The following PSTPIP1 variants were observed in gnomAD, a reference collection of about 807,000 sequenced individuals.
PSTPIP1 encodes proline-serine-threonine phosphatase-interacting protein 1.
Under a neutral mutation model 69.6 loss-of-function variants are expected in PSTPIP1, and 66 were observed. The observed-to-expected ratio is 0.95, with a 90% CI of 0.78 to 1.16. PSTPIP1 has a LOEUF of 1.16. Ranked by LOEUF, PSTPIP1 falls within the 50% of genes most tolerant of loss-of-function variation. The pLI is 0.00. For missense variants in PSTPIP1, 603 were observed against 557.4 expected, an observed-to-expected ratio of 1.08 and a Z score of -0.82; for synonymous variants, 266 against 222.7, an observed-to-expected ratio of 1.19 and a Z score of -1.73.
rs756389413 is a variant in PSTPIP1, at chr15:77,035,497, CCT to C, written c.930-10_930-9del. The C allele has an allele frequency of 1.5e-5, 23 of 1,586,122 alleles. No homozygotes were observed. The highest frequency in any genetic ancestry group is 1.8e-5 in the Non-Finnish European group (21 of 1,166,526). ...GCGGGGACACTCACCCTCTTTCCTC[CCT>C]GTTCCCAGGTTCTCTGGACTGCTGC... On this transcript the variant is annotated splice_polypyrimidine_tract_variant and intron_variant, in intron 12 of 14. Transcript: ENST00000558012.
At chr15:77,034,976 C>T (rs1228790921) in intron 12 of PSTPIP1, among the ~76,000 whole-genome samples, 2 of 152,260 alleles carry the variant, frequency 1.3e-5, no homozygotes, top group Non-Finnish European at 2.9e-5. Context: ...GCCTGATCAC[C>T]GTGGGCCCAC....
chr15:77,004,865 A>G (rs2075784708), intron 1 of PSTPIP1, among the ~76,000 whole-genome samples: 1 of 151,762 alleles, frequency 6.6e-6, no homozygotes, highest in South Asian at 2.1e-4. Flanking sequence ...TCTCAAAACA[A>G]ACAAACAAAC....
chr15:77,028,683 C>T, intron 7 of PSTPIP1, 31 bp downstream of exon 7: 1 of 1,511,232 alleles, frequency 6.6e-7, no homozygotes, highest in Non-Finnish European at 8.9e-7. Context: ...GTGTGGGTCG[C>T]CCAGGGCTGG....
intron 13 of PSTPIP1, 101 bp downstream of exon 13, chr15:77,035,664 AGT>A (rs2152691825): frequency 1.4e-6 from 2 of 1,477,626 alleles, no homozygotes; most frequent in Non-Finnish European, 1.8e-6. Context: ...CTCAAGAGGA[AGT>A]GTGTGTCCCC....
chr15:76,995,018 C>A, upstream of PSTPIP1: 5 of 1,190,650 alleles, frequency 4.2e-6, no homozygotes, highest in Non-Finnish European at 5.3e-6. Flanking sequence ...AGGGGGCAAG[C>A]AGAGGCAGGA....
chr15:77,034,036 T>C (rs1021473660), intron 12 of PSTPIP1, among the ~76,000 whole-genome samples: 1 of 151,124 alleles, frequency 6.6e-6, no homozygotes, highest in African/African-American at 2.4e-5. Context: ...CCAGAGAGGA[T>C]TAGAGAGAGA....
intron 1 of PSTPIP1, among the ~76,000 whole-genome samples, chr15:77,011,889 C>A (rs757681032): frequency 7.9e-5 from 12 of 152,150 alleles, no homozygotes; most frequent in Non-Finnish European, 1.5e-4. Flanking sequence ...TTGCATTGTC[C>A]TGGAGTTGGC....
chr15:77,009,044 CT>C (rs2075879199), intron 1 of PSTPIP1, among the ~76,000 whole-genome samples: 1 of 152,178 alleles, frequency 6.6e-6, no homozygotes, highest in Admixed American at 6.5e-5. Flanking sequence ...CTCTCTGAGC[CT>C]TGGTTCCTTG....
intron 1 of PSTPIP1, among the ~76,000 whole-genome samples, chr15:77,003,434 A>T (rs370077811): frequency 1.6e-4 from 24 of 152,260 alleles, no homozygotes; most frequent in African/African-American, 5.3e-4. Context: ...CGGGTGGATC[A>T]TCTGAGGTCA....
At chr15:76,995,752 G>A in intron 1 of PSTPIP1, 143 bp downstream of exon 1, 1 of 1,458,212 alleles carries the variant, frequency 6.9e-7, no homozygotes, top group South Asian at 1.2e-5. Flanking sequence ...TTGTCATGGA[G>A]GTGGCCCAGG....
At chr15:77,012,104 G>T (rs1463712540) in intron 1 of PSTPIP1, among the ~76,000 whole-genome samples, 3 of 150,740 alleles carry the variant, frequency 2.0e-5, no homozygotes, top group African/African-American at 7.3e-5. Flanking sequence ...TGTTTACTGA[G>T]GGCTCTGGCC....
In PSTPIP1 at chr15:77,037,194, C is replaced by T. The variant is rs2076602380; in HGVS notation, c.*18C>T. 1 of 1,578,450 alleles carries T rather than the reference C, an allele frequency of 6.3e-7. No individual in the cohort carries two copies. Among genetic ancestry groups the T allele is most frequent in the African/African-American group, 1.3e-5 (1 of 74,076 alleles). On this transcript the variant is annotated 3_prime_UTR_variant, in exon 15 of 15. Coordinates refer to ENST00000558012, the MANE Select transcript of PSTPIP1 (RefSeq NM_003978.5). The stretch of plus-strand genomic sequence containing the variant: ...AGCTTTGAGGAAGGGCCAGGAGCCC[C>T]TTCGGACCTGCCCTGCCAGTGGAGC...
At chr15:77,032,775 T>C (rs909728327) in intron 11 of PSTPIP1, 87 bp from the exon 12 acceptor site, 4 of 1,183,560 alleles carry the variant, frequency 3.4e-6, no homozygotes, top group East Asian at 2.6e-5. Flanking sequence ...CAGGGCCAGA[T>C]TGGGAATGTA....
chr15:77,017,941 C>T (rs1180120508), intron 1 of PSTPIP1, among the ~76,000 whole-genome samples: 3 of 152,240 alleles, frequency 2.0e-5, no homozygotes, highest in Admixed American at 1.3e-4. Context: ...GTGGGGCTCA[C>T]TTATGTACCT....
intron 7 of PSTPIP1, 92 bp downstream of exon 7, chr15:77,028,744 TC>T: frequency 9.0e-7 from 1 of 1,111,588 alleles, no homozygotes; most frequent in Non-Finnish European, 1.2e-6. Flanking sequence ...CCAGGCAAGA[TC>T]TGCATCTGGG....
intron 1 of PSTPIP1, among the ~76,000 whole-genome samples, chr15:77,003,620 C>T (rs901884590): frequency 2.2e-4 from 33 of 151,586 alleles, no homozygotes; most frequent in Admixed American, 1.3e-4. Context: ...TTCACAATTG[C>T]ACTCCAGCCT....
chr15:77,035,394 C>A, intron 12 of PSTPIP1, 114 bp from the exon 13 acceptor site: 1 of 1,158,980 alleles, frequency 8.6e-7, no homozygotes. Context: ...GGGGCAGTCC[C>A]AGCCCTGGCA....
At chr15:77,000,460 G>T (rs2458249) in intron 1 of PSTPIP1, among the ~76,000 whole-genome samples, 110,979 of 141,448 alleles carry the variant, frequency 0.78, 42,415 homozygotes, top group Admixed American at 0.86. Context: ...TTTAAAGAGA[G>T]ATATATATAT....
At chr15:77,000,280 C>G (rs1253464716) in intron 1 of PSTPIP1, among the ~76,000 whole-genome samples, 1 of 152,128 alleles carries the variant, frequency 6.6e-6, no homozygotes, top group Non-Finnish European at 1.5e-5. Context: ...TTTCCCTTCC[C>G]AGTTCTGAGA....
Sources: allele counts gnomAD v4.1 joint callset (sites outside exome capture counted in the v4.1 genomes callset), GRCh38; gene constraint gnomAD v4.1.1; transcripts MANE v1.5; gene names NCBI Gene and HGNC (gene_info 2026-07-23, HGNC 2026-07-21).